Variants in CCDC85A observed in about 807,000 individuals in gnomAD.
CCDC85A encodes the protein coiled-coil domain containing 85A.
A neutral mutation model predicts 50.2 loss-of-function variants in CCDC85A; 38 were observed. The ratio of observed to expected loss-of-function variants is 0.76; its 90% CI spans 0.58 to 0.99. CCDC85A has a LOEUF of 0.99. Among genes scored for constraint, CCDC85A ranks in the 50% least tolerant of loss-of-function variants. CCDC85A has a pLI of 0.00. For synonymous variants in CCDC85A, 366 were observed against 301.4 expected (o/e 1.21, Z -2.22); for missense variants, 820 against 742.0 (o/e 1.11, Z -1.22).
At chr2:56,233,402 T>A (rs950536758) in intron 2 of CCDC85A, among the ~76,000 whole-genome samples, 23 of 152,198 alleles carry the variant, frequency 1.5e-4, no homozygotes, top group Non-Finnish European at 7.3e-5. Flanking sequence ...TAAACATTTG[T>A]GTTGAAGAAT....
intron 2 of CCDC85A, among the ~76,000 whole-genome samples, chr2:56,278,159 TC>T (rs1671044539): frequency 6.6e-6 from 1 of 152,066 alleles, no homozygotes; most frequent in Non-Finnish European, 1.5e-5. Context: ...TTAGTGTCTT[TC>T]CCCCATGCCA....
chr2:56,298,768 G>T (rs1672068564), intron 2 of CCDC85A, among the ~76,000 whole-genome samples: 1 of 152,158 alleles, frequency 6.6e-6, no homozygotes, highest in South Asian at 2.1e-4. Flanking sequence ...AATTTGGGCT[G>T]TTAACTAAAT....
Position 56,193,248 on chromosome 2 carries a change from C to T in CCDC85A, c.1048C>T (p.His350Tyr), listed in dbSNP as rs146780016. Residue 350 changes from histidine to tyrosine, a missense_variant, in exon 2 of 6, where the codon CAT (histidine) becomes TAT (tyrosine). Transcript: ENST00000407595. The stretch of plus-strand genomic sequence containing the variant: ...ACACGCTCTTGGGGGGAGCCTAGAG[C>T]ATCTCCCCAGAGCCAGGGGCACCAG... ...QKHALGGSLE[H>Y]LPRARGTSPE... 9.9e-6 allele frequency: 16 copies of T among 1,613,800 alleles called. No individual in the cohort carries two copies. The South Asian group carries it at 1.6e-4, about 17-fold the overall frequency.
intron 2 of CCDC85A, among the ~76,000 whole-genome samples, chr2:56,214,354 G>C (rs1346769598): frequency 1.3e-5 from 2 of 151,936 alleles, no homozygotes; most frequent in Non-Finnish European, 2.9e-5. Flanking sequence ...TGCACAGTAA[G>C]TGCTGCATAA....
At chr2:56,189,082 C>G (rs1572997882) in intron 1 of CCDC85A, among the ~76,000 whole-genome samples, 3 of 152,256 alleles carry the variant, frequency 2.0e-5, no homozygotes, top group Admixed American at 2.0e-4. Context: ...TCAGAGGAAT[C>G]TCTCCTCTTA....
intron 2 of CCDC85A, among the ~76,000 whole-genome samples, chr2:56,282,721 G>T (rs915114806): frequency 5.9e-5 from 9 of 152,120 alleles, no homozygotes; most frequent in Non-Finnish European, 5.9e-5. Context: ...TGTTGGCCAG[G>T]CTGGTCTCGA....
intron 2 of CCDC85A, among the ~76,000 whole-genome samples, chr2:56,280,348 A>T (rs1337104078): frequency 6.6e-6 from 1 of 152,144 alleles, no homozygotes; most frequent in Non-Finnish European, 1.5e-5. Flanking sequence ...TTATTTAAAG[A>T]CGTCTCAAGT....
chr2:56,207,745 A>G (rs1677014860), intron 2 of CCDC85A, among the ~76,000 whole-genome samples: 1 of 152,140 alleles, frequency 6.6e-6, no homozygotes, highest in African/African-American at 2.4e-5. Context: ...TGGGACTGTA[A>G]AGGAAACAAA....
intron 2 of CCDC85A, among the ~76,000 whole-genome samples, chr2:56,276,418 C>T (rs1371370683): frequency 6.6e-6 from 1 of 152,040 alleles, no homozygotes; most frequent in Non-Finnish European, 1.5e-5. Context: ...TGAATTGTAA[C>T]TCCTGAAATT....
At chr2:56,292,770 G>A (rs1671775509) in intron 2 of CCDC85A, among the ~76,000 whole-genome samples, 1 of 152,134 alleles carries the variant, frequency 6.6e-6, no homozygotes, top group South Asian at 2.1e-4. Context: ...TCATAGGGAA[G>A]GATTTTTGTT....
At chr2:56,383,800 G>C in intron 5 of CCDC85A, 1 of 935,468 alleles carries the variant, frequency 1.1e-6, no homozygotes, top group Non-Finnish European at 1.3e-6. Context: ...CTTTGTTATG[G>C]ATGTATAATA....
At chr2:56,342,787 G>A (rs1674439761) in intron 2 of CCDC85A, 92 bp from the exon 3 acceptor site, 2 of 728,646 alleles carry the variant, frequency 2.7e-6, no homozygotes, top group Non-Finnish European at 2.3e-6. Flanking sequence ...AATAGTCACT[G>A]TCTGATTTGA....
intron 3 of CCDC85A, among the ~76,000 whole-genome samples, chr2:56,348,102 A>T (rs918328319): frequency 5.3e-5 from 8 of 152,178 alleles, no homozygotes; most frequent in Admixed American, 2.6e-4. Flanking sequence ...TCACAAAGAG[A>T]CTCGACTAGA....
chr2:56,283,811 T>C (rs1340636381), intron 2 of CCDC85A, among the ~76,000 whole-genome samples: 1 of 152,158 alleles, frequency 6.6e-6, no homozygotes, highest in Non-Finnish European at 1.5e-5. Flanking sequence ...ATTTCACTGA[T>C]CTTTCCAATG....
At chr2:56,209,063 T>C (rs1677076575) in intron 2 of CCDC85A, among the ~76,000 whole-genome samples, 1 of 152,036 alleles carries the variant, frequency 6.6e-6, no homozygotes, top group South Asian at 2.1e-4. Flanking sequence ...ATCTGGCCAT[T>C]GTGAGCCACC....
chr2:56,266,729 T>G (rs1670466634), intron 2 of CCDC85A, among the ~76,000 whole-genome samples: 1 of 152,136 alleles, frequency 6.6e-6, no homozygotes. Context: ...TCCGGATTAC[T>G]GTTGTTATTT....
chr2:56,188,826 A>C (rs1676162415), intron 1 of CCDC85A, among the ~76,000 whole-genome samples: 1 of 152,252 alleles, frequency 6.6e-6, no homozygotes, highest in African/African-American at 2.4e-5. Context: ...ATGGTTGATC[A>C]GTCCATAAAC....
chr2:56,184,429 G>GGC lies in CCDC85A; in HGVS notation c.-186_-185dup, dbSNP rs1350210187. ...GGCTGCCGGGCCCTGGGGGAGCGCG[G>GGC]GCGCGCGCGCGGGGATGGCGAGGTA... On this transcript the variant is annotated 5_prime_UTR_variant, in exon 1 of 6. An upstream open reading frame in the 5' UTR loses its in-frame stop. Coordinates refer to ENST00000407595, the MANE Select transcript of CCDC85A (RefSeq NM_001080433.2). The GGC allele has an allele frequency of 3.4e-6, 2 of 583,804 alleles. No individual in the cohort carries two copies. Among genetic ancestry groups the GGC allele is most frequent in the Non-Finnish European group, 4.9e-6 (2 of 409,388 alleles). The allele number at this position is 583,804 out of a possible 1,614,324, so 36.2% of individuals were successfully genotyped here.
intron 3 of CCDC85A, among the ~76,000 whole-genome samples, chr2:56,371,126 A>G (rs1396774447): frequency 6.6e-6 from 1 of 152,118 alleles, no homozygotes; most frequent in Non-Finnish European, 1.5e-5. Flanking sequence ...GCTATGATGA[A>G]ATTATCATTA....
Sources: gnomAD v4.1 joint callset for allele counts (sites outside exome capture counted in the v4.1 genomes callset) on GRCh38, gnomAD v4.1.1 for gene constraint, MANE v1.5 for transcripts, NCBI Gene and HGNC (gene_info 2026-07-23, HGNC 2026-07-21) for gene names.